Variants in SGCE observed in about 807,000 individuals in gnomAD.
SGCE encodes the protein sarcoglycan epsilon, also known as epsilon-sarcoglycan.
SGCE carries 26 observed loss-of-function variants against 57.8 expected under a neutral mutation model. The ratio of observed to expected loss-of-function variants is 0.45; its 90% CI spans 0.33 to 0.62. SGCE has a LOEUF of 0.62. SGCE is among the 20% of genes least tolerant of loss of function. The pLI is 0.02. For synonymous variants in SGCE, 183 were observed against 189.5 expected (o/e 0.97, Z 0.28); for missense variants, 468 against 548.6 (o/e 0.85, Z 1.47).
At chr7:94,634,454 T>C (rs1440413081) in intron 1 of SGCE, among the ~76,000 whole-genome samples, 3 of 152,206 alleles carry the variant, frequency 2.0e-5, no homozygotes, top group Non-Finnish European at 4.4e-5. Context: ...TTGTGTGTTT[T>C]ACAGATTTTG....
Position 94,656,084 on chromosome 7 carries a change from C to A in SGCE, c.15G>T (p.Arg5=), listed in dbSNP as rs1808636031. The part of the protein sequence containing the change: MQLP[R]WWELGDPCAW... ...CACAGGGGTCTCCCAGCTCCCACCA[C>A]CGGGGCAATTGCATTCTTGGCCTGG... Residue 5 remains arginine, a synonymous_variant, in exon 1 of 11, where the codon CGG becomes CGT. Transcript: ENST00000648936. 1.2e-6 allele frequency: 2 copies of A among 1,610,132 alleles called. No homozygotes were observed. Among genetic ancestry groups the A allele is most frequent in the Non-Finnish European group, 1.7e-6 (2 of 1,176,434 alleles).
intron 9 of SGCE, among the ~76,000 whole-genome samples, chr7:94,593,253 C>A (rs535380084): frequency 2.6e-5 from 4 of 151,762 alleles, no homozygotes; most frequent in Non-Finnish European, 4.4e-5. Context: ...TGAGAGAGAC[C>A]CAATTATCCT....
At chr7:94,590,365 C>G (rs1362220690) in intron 9 of SGCE, among the ~76,000 whole-genome samples, 1 of 152,122 alleles carries the variant, frequency 6.6e-6, no homozygotes, top group African/African-American at 2.4e-5. Context: ...TGCTTTCATT[C>G]ACATGCTGAT....
chr7:94,629,737 G>A lies in SGCE; in HGVS notation c.214C>T (p.Pro72Ser). 6.2e-7 allele frequency: 1 copy of A among 1,611,094 alleles called. No individual in the cohort carries two copies. The highest frequency in any genetic ancestry group is 1.1e-5 in the South Asian group (1 of 91,004). ...LEREYFKGEFPPYPKPGEISN... is the reference protein window; with the variant it reads ...LEREYFKGEFSPYPKPGEISN... ...AACATACCAGGTTTTGGGTAAGGTG[G>A]AAATTCCCCCTTAAAATATTCTCTT... Residue 72 changes from proline (P) to serine (S), a missense_variant, in exon 2 of 11, where the codon CCA becomes TCA. Transcript: ENST00000648936.
intron 1 of SGCE, among the ~76,000 whole-genome samples, chr7:94,638,186 C>A (rs539408297): frequency 1.3e-5 from 2 of 152,264 alleles, no homozygotes; most frequent in South Asian, 4.1e-4. Flanking sequence ...TTTTTGTGAT[C>A]TTTTCATGAG....
chr7:94,596,309 T>C (rs1798387674), intron 9 of SGCE, among the ~76,000 whole-genome samples: 1 of 152,152 alleles, frequency 6.6e-6, no homozygotes. Flanking sequence ...GCTATTCTTA[T>C]TTTCAATATA....
At chr7:94,644,526 A>G (rs1806802552) in intron 1 of SGCE, 2 of 513,498 alleles carry the variant, frequency 3.9e-6, no homozygotes, top group Non-Finnish European at 3.2e-6. Context: ...GAAATAATAA[A>G]TAATAACTTA....
intron 5 of SGCE, 96 bp from the exon 6 acceptor site, chr7:94,603,548 AG>A: frequency 6.9e-6 from 8 of 1,153,190 alleles, no homozygotes; most frequent in Non-Finnish European, 9.0e-6. Flanking sequence ...TTTTGAATTG[AG>A]AGATTAACTA....
chr7:94,619,451 T>C (rs1268917643), intron 4 of SGCE: 2 of 152,560 alleles, frequency 1.3e-5, no homozygotes, highest in Admixed American at 6.5e-5. Flanking sequence ...GATTTAGTGT[T>C]TTTTCCTCCT....
intron 2 of SGCE, chr7:94,629,043 T>A (rs1804224970): frequency 6.6e-6 from 1 of 152,244 alleles, no homozygotes; most frequent in Non-Finnish European, 1.5e-5. Context: ...AATAGTTATA[T>A]CAATTCTAAT....
intron 3 of SGCE, chr7:94,623,974 A>C (rs1215935130): frequency 2.6e-6 from 1 of 383,486 alleles, no homozygotes; most frequent in South Asian, 1.4e-4. Context: ...ACACAAATCA[A>C]TCCCTTCATA....
At chr7:94,633,453 C>T (rs761889353) in intron 1 of SGCE, among the ~76,000 whole-genome samples, 1 of 152,038 alleles carries the variant, frequency 6.6e-6, no homozygotes, top group Non-Finnish European at 1.5e-5. Flanking sequence ...TCTCGCTCTC[C>T]CTAAACATAG....
chr7:94,593,402 A>G (rs1055074769), intron 9 of SGCE, among the ~76,000 whole-genome samples: 3 of 152,018 alleles, frequency 2.0e-5, no homozygotes, highest in African/African-American at 4.8e-5. Context: ...TACCACTCCA[A>G]AAAAATCAAT....
intron 5 of SGCE, among the ~76,000 whole-genome samples, chr7:94,611,954 C>A: frequency 6.6e-6 from 1 of 152,038 alleles, no homozygotes; most frequent in East Asian, 1.9e-4. Flanking sequence ...AGATGAGAAA[C>A]CATTGGTATT....
chr7:94,619,118 C>G, intron 4 of SGCE, 162 bp from the exon 5 acceptor site: 2 of 633,898 alleles, frequency 3.2e-6, no homozygotes, highest in East Asian at 5.5e-5. Context: ...GAGGATGTAT[C>G]TAAAAACATA....
intron 10 of SGCE, among the ~76,000 whole-genome samples, chr7:94,585,883 GA>G (rs565665120): frequency 1.1e-4 from 17 of 151,888 alleles, no homozygotes; most frequent in African/African-American, 4.1e-4. Context: ...GAGAAAATGA[GA>G]AAACCTGAAG....
intron 3 of SGCE, chr7:94,627,499 T>G (rs1803910563): frequency 6.6e-6 from 1 of 152,044 alleles, no homozygotes; most frequent in African/African-American, 2.4e-5. Context: ...CGCCTCCCAT[T>G]CCCATCATTT....
At chr7:94,606,463 C>T (rs1800159063) in intron 5 of SGCE, among the ~76,000 whole-genome samples, 1 of 152,128 alleles carries the variant, frequency 6.6e-6, no homozygotes. Context: ...CATAACAGTG[C>T]ATCAAATTAC....
At chr7:94,607,441 A>G (rs1425688452) in intron 5 of SGCE, among the ~76,000 whole-genome samples, 1 of 152,204 alleles carries the variant, frequency 6.6e-6, no homozygotes, top group Admixed American at 6.5e-5. Flanking sequence ...CAATGTATAA[A>G]AGGAATTATA....
Sources: gnomAD v4.1 joint callset for allele counts (sites outside exome capture counted in the v4.1 genomes callset) on GRCh38, gnomAD v4.1.1 for gene constraint, MANE v1.5 for transcripts, NCBI Gene and HGNC (gene_info 2026-07-23, HGNC 2026-07-21) for gene names.